Variants in TRPM1 observed in about 807,000 individuals in gnomAD.
TRPM1 encodes TRPM1-203 APA Isoform, Intron 10.
In TRPM1, 113 loss-of-function variants were observed where a neutral mutation model predicts 149.4. The observed-to-expected ratio is 0.76, with a 90% CI of 0.65 to 0.88. The LOEUF (loss-of-function observed/expected upper bound fraction) is 0.88. Among genes scored for constraint, TRPM1 ranks in the 40% least tolerant of loss-of-function variants. The pLI is 0.00. For synonymous variants in TRPM1, 741 were observed against 759.5 expected (o/e 0.98, Z 0.40); for missense variants, 1,976 against 2,038.7 (o/e 0.97, Z 0.59).
chr15:31,082,928 G>A (rs1281979113), intron 1 of TRPM1, among the ~76,000 whole-genome samples: 2 of 152,224 alleles, frequency 1.3e-5, no homozygotes, highest in East Asian at 1.9e-4. Flanking sequence ...AGGGTCATGG[G>A]GGGCTTTAAC....
intron 1 of TRPM1, among the ~76,000 whole-genome samples, chr15:31,091,943 T>C (rs2035251151): frequency 6.6e-6 from 1 of 152,220 alleles, no homozygotes; most frequent in African/African-American, 2.4e-5. Flanking sequence ...GGCTCAACTG[T>C]TAGCTTGCAA....
chr15:31,015,280 G>A (rs1007498161), intron 27 of TRPM1, among the ~76,000 whole-genome samples: 1 of 152,002 alleles, frequency 6.6e-6, no homozygotes. Context: ...GGGCACGGTG[G>A]CATGCGCCTG....
chr15:31,125,805 A>G (rs887328376), intron 1 of TRPM1, among the ~76,000 whole-genome samples: 1 of 151,814 alleles, frequency 6.6e-6, no homozygotes, highest in Non-Finnish European at 1.5e-5. Flanking sequence ...TAATATAACT[A>G]AAAAACAGCA....
At chr15:31,144,367 G>C (rs1016587788) in intron 1 of TRPM1, among the ~76,000 whole-genome samples, 1 of 152,116 alleles carries the variant, frequency 6.6e-6, no homozygotes, top group Non-Finnish European at 1.5e-5. Flanking sequence ...AGCTGGGGAG[G>C]TCAAGGCTGC....
intron 1 of TRPM1, among the ~76,000 whole-genome samples, chr15:31,113,690 T>C (rs995751373): frequency 5.9e-5 from 9 of 152,198 alleles, no homozygotes; most frequent in Non-Finnish European, 7.3e-5. Flanking sequence ...AAGACTACTG[T>C]GCCCATAGTT....
intron 1 of TRPM1, among the ~76,000 whole-genome samples, chr15:31,095,970 T>C (rs2035369545): frequency 6.6e-6 from 1 of 151,592 alleles, no homozygotes; most frequent in Admixed American, 6.6e-5. Context: ...CGCTTGAACA[T>C]GGGAGGTGAA....
intron 18 of TRPM1, 123 bp downstream of exon 18, chr15:31,039,995 G>A (rs116049888): frequency 5.6e-5 from 46 of 819,886 alleles, no homozygotes; most frequent in East Asian, 2.1e-4. Context: ...TTGTCATGGC[G>A]TCTCCCTCAG....
chr15:31,060,062 C>T (rs1339005911), intron 11 of TRPM1, among the ~76,000 whole-genome samples: 2 of 151,890 alleles, frequency 1.3e-5, no homozygotes, highest in Non-Finnish European at 2.9e-5. Context: ...TACACAAAAT[C>T]ATACCACATA....
chr15:31,004,563 T>C (rs908285413), intron 27 of TRPM1, among the ~76,000 whole-genome samples: 1 of 152,160 alleles, frequency 6.6e-6, no homozygotes, highest in Non-Finnish European at 1.5e-5. Context: ...GAACTATTTA[T>C]ATGTACTATA....
intron 1 of TRPM1, among the ~76,000 whole-genome samples, chr15:31,129,894 G>C (rs2035996012): frequency 6.6e-6 from 1 of 152,210 alleles, no homozygotes; most frequent in South Asian, 2.1e-4. Context: ...TCAACCAGTG[G>C]CTGACTCTGT....
At chr15:31,149,981 C>T (rs530149558) in intron 1 of TRPM1, among the ~76,000 whole-genome samples, 2 of 152,204 alleles carry the variant, frequency 1.3e-5, no homozygotes, top group South Asian at 2.1e-4. Context: ...GTGCTTGCTG[C>T]ATCCCCAGGC....
chr15:31,036,825 A>T (rs988069029), intron 20 of TRPM1, among the ~76,000 whole-genome samples: 2 of 152,206 alleles, frequency 1.3e-5, no homozygotes, highest in African/African-American at 4.8e-5. Context: ...CCAGGCCCTC[A>T]GCTGACCCTT....
intron 1 of TRPM1, among the ~76,000 whole-genome samples, chr15:31,128,075 C>A (rs11070830): frequency 0.52 from 79,203 of 151,426 alleles, 21,359 homozygotes; most frequent in African/African-American, 0.59. Context: ...TATCTGCAGA[C>A]TTTGACCTGT....
chr15:31,002,470 A>G lies in TRPM1; in HGVS notation c.4230T>C (p.His1410=). 1.2e-6 allele frequency: 2 copies of G among 1,614,170 alleles called. No homozygotes were observed. The highest frequency in any genetic ancestry group is 1.7e-6 in the Non-Finnish European group (2 of 1,180,024). Residue 1410 remains histidine (H), a synonymous_variant, in exon 28 of 28, where the codon CAT becomes CAC. Transcript: ENST00000256552. ...TTTGAACATCTGATTTGTCCTGTCC[A>G]TGTATCACATCTGTTTTATTTAAAC... is the stretch of plus-strand genomic sequence containing the variant. ...SPSLNKTDVI[H]GQDKSDVQNT...
At chr15:31,025,168 G>A (rs563574823) in intron 27 of TRPM1, among the ~76,000 whole-genome samples, 1 of 152,306 alleles carries the variant, frequency 6.6e-6, no homozygotes, top group South Asian at 2.1e-4. Context: ...CTTTAATTCT[G>A]TGTACTCAAG....
chr15:31,071,980 CATATATATATATATATATATATATAT>C (rs71471861), intron 3 of TRPM1, among the ~76,000 whole-genome samples: 1 of 77,290 alleles, frequency 1.3e-5, no homozygotes, highest in African/African-American at 6.4e-5. Context: ...AAAAAAAAAA[CATATATATATATATATATATATATAT>C]ATATATATAT....
chr15:31,087,262 T>C (rs867505551), intron 1 of TRPM1, among the ~76,000 whole-genome samples: 10 of 138,402 alleles, frequency 7.2e-5, no homozygotes, highest in African/African-American at 2.7e-4. Flanking sequence ...TTTTTTTTTT[T>C]GAGACGGAGT....
chr15:31,019,123 T>C (rs1353678702), intron 27 of TRPM1, among the ~76,000 whole-genome samples: 1 of 152,254 alleles, frequency 6.6e-6, no homozygotes, highest in Non-Finnish European at 1.5e-5. Flanking sequence ...AAGAAACCCC[T>C]GTTTCAAGAT....
chr15:31,043,393 C>T (rs576323019), intron 16 of TRPM1, among the ~76,000 whole-genome samples: 1 of 151,870 alleles, frequency 6.6e-6, no homozygotes, highest in Non-Finnish European at 1.5e-5. Context: ...GGGGTTTCAC[C>T]GTGTTAGCCA....
Sources: allele counts gnomAD v4.1 joint callset (sites outside exome capture counted in the v4.1 genomes callset), GRCh38; gene constraint gnomAD v4.1.1; transcripts MANE v1.5; gene names NCBI Gene and HGNC (gene_info 2026-07-23, HGNC 2026-07-21).